Variants in DLGAP4 observed in about 807,000 individuals in gnomAD.
DLGAP4 encodes DLG associated protein 4.
DLGAP4 carries 18 observed loss-of-function variants against 86.9 expected under a neutral mutation model. The ratio of observed to expected loss-of-function variants is 0.21; its 90% CI spans 0.14 to 0.31. The LOEUF (loss-of-function observed/expected upper bound fraction) is 0.31. Among genes scored for constraint, DLGAP4 ranks in the 10% least tolerant of loss-of-function variants. The pLI is 1.00. For missense variants in DLGAP4, 1,085 were observed against 1,362.6 expected (o/e 0.80, Z 3.21); for synonymous variants, 548 against 574.3 (o/e 0.95, Z 0.65).
chr20:36,371,240 A>G (rs114903462), intron 2 of DLGAP4, among the ~76,000 whole-genome samples: 1,900 of 152,306 alleles, frequency 0.012, 47 homozygotes, highest in African/African-American at 0.043. Context: ...GGGACATGTC[A>G]TGGAGCGGGG....
rs1469457927 is a variant in DLGAP4 at position 36,500,873 on chromosome 20, G to C, written c.2512+262G>C. On this transcript the variant is annotated intron_variant, in intron 10 of 12. Coordinates refer to ENST00000339266, the MANE Select transcript of DLGAP4 (RefSeq NM_001365621.2). The surrounding 1 kb of genome is among the most constrained non-coding windows in gnomAD (Gnocchi z 4.6). ...CACCCACACCTGGGTTTGAATCCCA[G>C]CTCCTCCCTTACTAGTGAAGTAACC... Among the ~76,000 whole-genome samples the C allele has an allele frequency of 1.3e-5, 2 of 152,052 alleles. No individual in the cohort carries two copies. The highest frequency in any genetic ancestry group is 1.3e-4 in the Admixed American group (2 of 15,270).
chr20:36,520,151 T>G (rs561528743), intron 10 of DLGAP4, among the ~76,000 whole-genome samples: 4 of 152,312 alleles, frequency 2.6e-5, no homozygotes, highest in African/African-American at 9.6e-5. Context: ...TGACTAATGC[T>G]GTTGAGATGT....
intron 7 of DLGAP4, among the ~76,000 whole-genome samples, chr20:36,473,796 A>G (rs1453774153): frequency 6.6e-6 from 1 of 152,136 alleles, no homozygotes; most frequent in Non-Finnish European, 1.5e-5. Context: ...GCACAGTCAC[A>G]GGGTCCCTAA....
intron 10 of DLGAP4, among the ~76,000 whole-genome samples, chr20:36,502,101 C>G (rs901580036): frequency 2.0e-5 from 3 of 152,158 alleles, no homozygotes; most frequent in Non-Finnish European, 2.9e-5. Flanking sequence ...TTTCCTGTTA[C>G]CATTGGCATA....
At chr20:36,462,363 C>G (rs1466328423) in intron 7 of DLGAP4, 1 of 1,386,034 alleles carries the variant, frequency 7.2e-7, no homozygotes, top group Non-Finnish European at 9.2e-7. Context: ...CCCTCTGTGC[C>G]CCCACATCTG....
chr20:36,499,161 C>A, intron 8 of DLGAP4: 2 of 1,364,146 alleles, frequency 1.5e-6, no homozygotes, highest in Non-Finnish European at 2.0e-6. Flanking sequence ...CACCAGATAA[C>A]GGCTGTGGCT....
chr20:36,325,506 T>G (rs546238438), intron 1 of DLGAP4, among the ~76,000 whole-genome samples: 1 of 152,332 alleles, frequency 6.6e-6, no homozygotes, highest in East Asian at 1.9e-4. Context: ...ATTTATTTTC[T>G]GTTCACTTGC....
chr20:36,328,805 C>G (rs1260759662), intron 1 of DLGAP4, among the ~76,000 whole-genome samples: 2 of 148,774 alleles, frequency 1.3e-5, no homozygotes, highest in Non-Finnish European at 3.0e-5. Flanking sequence ...AAGACGGAGT[C>G]TCTCTCTATT....
intron 7 of DLGAP4, among the ~76,000 whole-genome samples, chr20:36,475,071 C>G (rs917946578): frequency 4.0e-5 from 6 of 151,482 alleles, no homozygotes; most frequent in African/African-American, 1.5e-4. Context: ...GTGTCACGAC[C>G]CTGAGGTGGG....
intron 1 of DLGAP4, among the ~76,000 whole-genome samples, chr20:36,329,921 C>T (rs2065250664): frequency 6.6e-6 from 1 of 151,978 alleles, no homozygotes; most frequent in Non-Finnish European, 1.5e-5. Flanking sequence ...ATCTCAGCTA[C>T]CTGGGAGGCC....
Position 36,436,343 on chromosome 20 carries a change from C to G in DLGAP4, c.1234C>G (p.Pro412Ala), listed in dbSNP as rs759284940. 1.3e-6 allele frequency: 2 copies of G among 1,594,014 alleles called. No homozygotes were observed. Among genetic ancestry groups the G allele is most frequent in the South Asian group, 2.2e-5 (2 of 89,776 alleles). ...TQQSLGEQSN[P>A]RRSLDRLDSV... is the part of the protein sequence containing the mutation. ...GCAGTCGCTGGGAGAGCAGAGCAAC[C>G]CCCGCAGGTAGGCGCGCAGCTCCAC... The change falls in exon 4 of 13, where the codon CCC becomes GCC. Residue 412 changes from proline (P) to alanine (A), a missense_variant. Around this residue, in one of 2 missense-constraint regions of DLGAP4, gnomAD observed 1,082 missense variants for 1,344.1 expected, o/e 0.81. Coordinates refer to ENST00000339266, the MANE Select transcript of DLGAP4 (RefSeq NM_001365621.2).
chr20:36,525,409 T>G lies in DLGAP4; in HGVS notation c.2605-442T>G, dbSNP rs2076691. 1,644 of 219,950 alleles carry G rather than the reference T, an allele frequency of 7.5e-3. 27 individuals carry two copies. Among genetic ancestry groups the G allele is most frequent in the East Asian group, 0.052 (481 of 9,314 alleles). The allele number at this position is 219,950 out of a possible 1,614,324, so 13.6% of individuals were successfully genotyped here. On this transcript the variant is annotated intron_variant, in intron 11 of 12. Transcript: ENST00000339266. ...CAGCGGGAGGCAGTGGAGTGAGTGT[T>G]TGTCTCCAAGACCTACAGAGACTTG...
intron 9 of DLGAP4, 115 bp downstream of exon 9, chr20:36,499,791 G>A: frequency 9.2e-7 from 1 of 1,083,910 alleles, no homozygotes; most frequent in Non-Finnish European, 1.4e-6. Flanking sequence ...TAACCAAGCT[G>A]GGTTTGGGTT....
chr20:36,376,327 T>C (rs1238872245), intron 2 of DLGAP4, among the ~76,000 whole-genome samples: 1 of 151,960 alleles, frequency 6.6e-6, no homozygotes, highest in Non-Finnish European at 1.5e-5. Context: ...AAAAATTAGC[T>C]GGGTGCAGTG....
intron 1 of DLGAP4, among the ~76,000 whole-genome samples, chr20:36,315,024 T>C (rs1343136656): frequency 6.1e-5 from 1 of 16,278 alleles, no homozygotes; most frequent in Non-Finnish European, 1.1e-4. Flanking sequence ...TGTGTGGTGG[T>C]GTGAGATGTG....
At chr20:36,460,149 G>C (rs2147610510) in intron 7 of DLGAP4, among the ~76,000 whole-genome samples, 1 of 152,318 alleles carries the variant, frequency 6.6e-6, no homozygotes, top group East Asian at 1.9e-4. Context: ...TGGGTTGTCA[G>C]GGCCCATAAC....
intron 1 of DLGAP4, among the ~76,000 whole-genome samples, chr20:36,357,006 G>T (rs58888168): frequency 6.6e-6 from 1 of 151,978 alleles, no homozygotes; most frequent in African/African-American, 2.4e-5. Flanking sequence ...GTCAGCTCTC[G>T]CCTGGATCTC....
chr20:36,452,201 C>G (rs1338466357), intron 7 of DLGAP4, among the ~76,000 whole-genome samples: 1 of 151,960 alleles, frequency 6.6e-6, no homozygotes, highest in Non-Finnish European at 1.5e-5. Context: ...CTTTTTTAGA[C>G]AGGATCTCCA....
intron 10 of DLGAP4, among the ~76,000 whole-genome samples, chr20:36,513,441 G>T (rs982751796): frequency 2.3e-4 from 35 of 150,496 alleles, no homozygotes; most frequent in African/African-American, 8.3e-4. Context: ...CCAGCTACTC[G>T]GGAGGCTGAG....
Sources: gnomAD v4.1 joint callset for allele counts (sites outside exome capture counted in the v4.1 genomes callset) on GRCh38, gnomAD v4.1.1 for gene constraint, gnomAD v4.1.1 regional missense constraint, Gnocchi (gnomAD v3.1) non-coding constraint, MANE v1.5 for transcripts, NCBI Gene and HGNC (gene_info 2026-07-23, HGNC 2026-07-21) for gene names.